VPS41: variants seen among roughly 807,000 people sequenced by gnomAD.
VPS41 encodes vacuolar protein sorting-associated protein 41 homolog.
Under a neutral mutation model 130.9 loss-of-function variants are expected in VPS41, and 85 were observed. That is an observed-to-expected ratio of 0.65 (90% CI 0.55 to 0.78). VPS41 has a LOEUF of 0.78. Among genes scored for constraint, VPS41 ranks in the 30% least tolerant of loss-of-function variants. VPS41 has a pLI of 0.00. For synonymous variants in VPS41, 335 were observed against 332.9 expected (o/e 1.01, Z -0.07); for missense variants, 874 against 1,018.7 (o/e 0.86, Z 1.93).
intron 4 of VPS41, among the ~76,000 whole-genome samples, chr7:38,837,153 C>T (rs1306586420): frequency 6.6e-6 from 1 of 152,144 alleles, no homozygotes; most frequent in Admixed American, 6.5e-5. Flanking sequence ...GTGTAATAGA[C>T]AGGAACATCT....
intron 2 of VPS41, among the ~76,000 whole-genome samples, chr7:38,886,193 C>A (rs1786727407): frequency 6.6e-6 from 1 of 152,042 alleles, no homozygotes; most frequent in Non-Finnish European, 1.5e-5. Context: ...AGAAGCAGGG[C>A]AGGGCGTCAC....
intron 9 of VPS41, among the ~76,000 whole-genome samples, chr7:38,790,464 AT>A: frequency 6.6e-6 from 1 of 152,196 alleles, no homozygotes; most frequent in African/African-American, 2.4e-5. Context: ...TTCTACATTC[AT>A]GGATTTAACC....
At chr7:38,729,035 T>A (rs1795606038) in intron 25 of VPS41, among the ~76,000 whole-genome samples, 1 of 152,182 alleles carries the variant, frequency 6.6e-6, no homozygotes, top group Non-Finnish European at 1.5e-5. Context: ...CACGGGCTCC[T>A]GTAGCATTTG....
At chr7:38,774,008 C>A in intron 12 of VPS41, 107 bp downstream of exon 12, 3 of 1,158,668 alleles carry the variant, frequency 2.6e-6, no homozygotes, top group Non-Finnish European at 3.6e-6. Flanking sequence ...CAGGTATTCT[C>A]TTAAGATTCT....
chr7:38,862,836 A>G (rs996560537), intron 3 of VPS41, among the ~76,000 whole-genome samples: 2 of 152,230 alleles, frequency 1.3e-5, no homozygotes, highest in Non-Finnish European at 2.9e-5. Context: ...AGCTGTCAGA[A>G]TGACTCATGA....
chr7:38,764,820 T>C (rs1784000143), intron 16 of VPS41, among the ~76,000 whole-genome samples: 1 of 151,902 alleles, frequency 6.6e-6, no homozygotes, highest in Non-Finnish European at 1.5e-5. Flanking sequence ...CAGCAGTATA[T>C]ACAAGGAGAA....
intron 9 of VPS41, 93 bp from the exon 10 acceptor site, chr7:38,789,960 T>C (rs1562587457): frequency 7.8e-7 from 1 of 1,276,210 alleles, no homozygotes; most frequent in East Asian, 2.4e-5. Flanking sequence ...TAAATTAACC[T>C]TGTAGCACTG....
At chr7:38,766,387 T>C (rs759775768) in intron 15 of VPS41, among the ~76,000 whole-genome samples, 12 of 152,072 alleles carry the variant, frequency 7.9e-5, no homozygotes, top group Non-Finnish European at 1.2e-4. Flanking sequence ...CATCCTTAGG[T>C]TGGGAAAATT....
chr7:38,879,052 A>G (rs1311814807), intron 2 of VPS41, among the ~76,000 whole-genome samples: 2 of 152,220 alleles, frequency 1.3e-5, no homozygotes, highest in Non-Finnish European at 1.5e-5. Context: ...CAAGACAGAG[A>G]GCTGACCTGT....
chr7:38,867,284 G>A (rs760510709), intron 3 of VPS41, among the ~76,000 whole-genome samples: 11 of 152,114 alleles, frequency 7.2e-5, no homozygotes, highest in Admixed American at 2.6e-4. Flanking sequence ...GGTGGCTCAC[G>A]CCTGTAATCT....
At chr7:38,755,934 T>C (rs1205646939) in intron 19 of VPS41, among the ~76,000 whole-genome samples, 1 of 152,132 alleles carries the variant, frequency 6.6e-6, no homozygotes, top group East Asian at 1.9e-4. Context: ...AAATCTGTAG[T>C]CCCTAAAGAC....
intron 15 of VPS41, 192 bp from the exon 16 acceptor site, chr7:38,765,853 A>G (rs1784033351): frequency 4.3e-6 from 2 of 470,442 alleles, no homozygotes; most frequent in Non-Finnish European, 7.4e-6. Context: ...GCATACATAA[A>G]TTAACACAAC....
chr7:38,748,334 G>T (rs1796027791), intron 22 of VPS41, among the ~76,000 whole-genome samples: 1 of 152,108 alleles, frequency 6.6e-6, no homozygotes, highest in African/African-American at 2.4e-5. Context: ...TCCTCTTTCT[G>T]ATTTAGTATG....
intron 4 of VPS41, among the ~76,000 whole-genome samples, chr7:38,831,516 A>G (rs2116176598): frequency 6.6e-6 from 1 of 152,380 alleles, no homozygotes; most frequent in East Asian, 1.9e-4. Flanking sequence ...AATGAAAGTA[A>G]CTAAGACATC....
intron 17 of VPS41, among the ~76,000 whole-genome samples, chr7:38,760,799 T>G (rs946141731): frequency 1.3e-5 from 2 of 152,108 alleles, no homozygotes; most frequent in Admixed American, 1.3e-4. Context: ...ATAACTCCAT[T>G]AATACTTTAA....
intron 13 of VPS41, among the ~76,000 whole-genome samples, chr7:38,771,582 A>T (rs1460606865): frequency 6.6e-6 from 1 of 152,102 alleles, no homozygotes; most frequent in Non-Finnish European, 1.5e-5. Context: ...AAATACAACA[A>T]AGTCTCCTAG....
At chr7:38,795,855 A>G (rs1331396000) in intron 8 of VPS41, among the ~76,000 whole-genome samples, 1 of 152,238 alleles carries the variant, frequency 6.6e-6, no homozygotes, top group African/African-American at 2.4e-5. Context: ...ACTCAAACCC[A>G]ACAGAAACAT....
chr7:38,842,558 A>G (rs1403601235), intron 4 of VPS41, among the ~76,000 whole-genome samples: 1 of 152,208 alleles, frequency 6.6e-6, no homozygotes, highest in Non-Finnish European at 1.5e-5. Flanking sequence ...TCCTACTGAT[A>G]AAGCCATTTT....
chr7:38,856,806 G>GAGATTCAC (rs1224250799), intron 4 of VPS41, among the ~76,000 whole-genome samples: 2 of 152,156 alleles, frequency 1.3e-5, no homozygotes, highest in African/African-American at 4.8e-5. Context: ...AGAAAGAATG[G>GAGATTCAC]AGATTCACAG....
Sources: allele counts gnomAD v4.1 joint callset (sites outside exome capture counted in the v4.1 genomes callset), GRCh38; gene constraint gnomAD v4.1.1; transcripts MANE v1.5; gene names NCBI Gene and HGNC (gene_info 2026-07-23, HGNC 2026-07-21).